Variants in DNASE1 observed in about 807,000 individuals in gnomAD.
The protein encoded by DNASE1 is deoxyribonuclease 1.
Under a neutral mutation model 33.9 loss-of-function variants are expected in DNASE1, and 40 were observed. That is an observed-to-expected ratio of 1.18 (90% CI 0.92 to 1.54). DNASE1 has a LOEUF of 1.54. Ranked by LOEUF, DNASE1 falls within the 40% of genes most tolerant of loss-of-function variation. The pLI, the probability that DNASE1 is intolerant of heterozygous loss-of-function variation, is 0.00. For synonymous variants in DNASE1, 216 were observed against 160.0 expected (o/e 1.35, Z -2.64); for missense variants, 518 against 372.6 (o/e 1.39, Z -3.21).
At chr16:3,656,821 C>G in intron 5 of DNASE1, 68 bp downstream of exon 5, 1 of 1,544,738 alleles carries the variant, frequency 6.5e-7, no homozygotes, top group Non-Finnish European at 8.8e-7. Context: ...TCCTAGGGAA[C>G]CTGGAATGCC....
Position 3,657,945 on chromosome 16 carries a change from C to T in DNASE1, c.841C>T (p.Leu281=). ...TGACCACTATCCAGTGGAGGTGATG[C>T]TGAAGTGAGCAGCCCCTCCCCACAC... The part of the protein sequence containing the change: ...ISDHYPVEVM[L]K The change falls in exon 9 of 9, where the codon CTG becomes TTG. Residue 281 remains leucine, a synonymous_variant. Coordinates refer to ENST00000246949, the MANE Select transcript of DNASE1 (RefSeq NM_005223.4). 6.2e-7 allele frequency: 1 copy of T among 1,614,052 alleles called. No homozygotes were observed. The highest frequency in any genetic ancestry group is 8.5e-7 in the Non-Finnish European group (1 of 1,180,024).
exon 10 of DNASE1, chr16:3,664,398 C>G (rs1306577144): frequency 1.1e-5 from 17 of 1,612,292 alleles, no homozygotes; most frequent in Non-Finnish European, 1.4e-5. Flanking sequence ...TTCTGAGAGG[C>G]TGGTTAGCTG....
downstream of DNASE1, chr16:3,661,944 TG>T: frequency 1.9e-6 from 3 of 1,553,594 alleles, no homozygotes; most frequent in Non-Finnish European, 1.7e-6. Flanking sequence ...CACAGGATTC[TG>T]GGGAATCCCA....
At chr16:3,662,195 C>G (rs1234249452), downstream of DNASE1, 3 of 1,566,408 alleles carry the variant, frequency 1.9e-6, no homozygotes, top group African/African-American at 1.3e-5. Flanking sequence ...CTGGCAGGAT[C>G]TTACCAGGGG....
rs758143421 is a variant in DNASE1 at position 3,657,158 on chromosome 16, C to T, written c.550-29C>T. The T allele has an allele frequency of 1.9e-6, 3 of 1,614,012 alleles. No homozygotes were observed. The African/African-American group carries it at 4.0e-5, about 22-fold the overall frequency. On this transcript the variant is annotated intron_variant, in intron 6 of 8. Transcript: ENST00000246949. ...TGGGCACCAGCGGCCTCCGCATGTC[C>T]CAGGGCCACAGGCAGCGTTTCCTGG...
At chr16:3,655,960 T>G in intron 3 of DNASE1, 23 bp downstream of exon 3, 1 of 1,613,358 alleles carries the variant, frequency 6.2e-7, no homozygotes, top group Non-Finnish European at 8.5e-7. Flanking sequence ...GGCAGGGTCA[T>G]AGGAAGGTGA....
At chr16:3,646,639 G>C (rs761250434) in intron 1 of DNASE1, among the ~76,000 whole-genome samples, 1 of 152,302 alleles carries the variant, frequency 6.6e-6, no homozygotes, top group East Asian at 1.9e-4. Flanking sequence ...ATTGGATTTC[G>C]TGTTAGGGAC....
upstream of DNASE1, among the ~76,000 whole-genome samples, chr16:3,639,408 C>T (rs972780888): frequency 6.6e-6 from 1 of 152,178 alleles, no homozygotes; most frequent in Non-Finnish European, 1.5e-5. Context: ...CCCACACCAA[C>T]CCCCCGGCTT....
At chr16:3,638,500 G>A (rs370541888), upstream of DNASE1, among the ~76,000 whole-genome samples, 1 of 152,136 alleles carries the variant, frequency 6.6e-6, no homozygotes, top group East Asian at 1.9e-4. Context: ...ACCACACTCA[G>A]CTAATTTTTT....
intron 1 of DNASE1, among the ~76,000 whole-genome samples, chr16:3,619,833 A>C (rs1269430554): frequency 1.3e-5 from 2 of 151,828 alleles, no homozygotes; most frequent in African/African-American, 4.8e-5. Context: ...AAAAATTCTA[A>C]TTTCCATTTA....
At position 3,657,990 on chromosome 16, in the gene DNASE1, G is replaced by A. The variant is rs1490452926; in HGVS notation, c.*37G>A. 7 of 1,612,818 alleles carry A rather than the reference G, an allele frequency of 4.3e-6. No individual in the cohort carries two copies. The East Asian group carries it at 6.7e-5, about 15-fold the overall frequency. ...CCACACCAGTTGAACTGCAGGAAGAGAGGACCCATCCTGCCACAGGACCCA... is the reference window on the plus strand; with the variant it reads ...CCACACCAGTTGAACTGCAGGAAGAAAGGACCCATCCTGCCACAGGACCCA... On this transcript the variant is annotated 3_prime_UTR_variant, in exon 9 of 9. Transcript: ENST00000246949.
intron 3 of DNASE1, 67 bp downstream of exon 3, chr16:3,656,004 G>A: frequency 6.2e-7 from 1 of 1,612,534 alleles, no homozygotes; most frequent in Non-Finnish European, 8.5e-7. Flanking sequence ...ACTTCACTTG[G>A]GCCCCAAGGG....
upstream of DNASE1, among the ~76,000 whole-genome samples, chr16:3,650,315 G>A (rs1236399592): frequency 6.6e-6 from 1 of 152,048 alleles, no homozygotes; most frequent in African/African-American, 2.4e-5. Flanking sequence ...TTCCACTCAA[G>A]TATCAATTTC....
downstream of DNASE1, chr16:3,662,161 A>G (rs762799153): frequency 5.0e-6 from 8 of 1,596,370 alleles, no homozygotes; most frequent in South Asian, 7.8e-5. Context: ...GTTGAGGGTG[A>G]TAGAGGTTCC....
At position 3,623,738 on chromosome 16, in the gene DNASE1, A is replaced by G. The variant is rs543382618; in HGVS notation, c.-1359+11732A>G. Among the ~76,000 whole-genome samples, 12 of 151,926 alleles carry G rather than the reference A, an allele frequency of 7.9e-5. No homozygotes were observed. The East Asian group carries it at 2.1e-3, about 27-fold the overall frequency. ...CACTTGAGGCCAGGAATTAGAGAGA[A>G]AGTAGGCAAAGGACAAGAACACATA... On this transcript the variant is annotated intron_variant and NMD_transcript_variant, in intron 1 of 11. Transcript: ENST00000570769.
At chr16:3,662,250 C>T (rs1567220513), downstream of DNASE1, 4 of 1,247,914 alleles carry the variant, frequency 3.2e-6, no homozygotes, top group Non-Finnish European at 3.3e-6. Context: ...GTCTCAAGGA[C>T]TCCCCTGGAC....
intron 1 of DNASE1, among the ~76,000 whole-genome samples, chr16:3,646,844 G>A (rs983973389): frequency 1.3e-5 from 2 of 152,128 alleles, no homozygotes; most frequent in African/African-American, 4.8e-5. Flanking sequence ...TGCATGGTGC[G>A]GGCGGGGCTG....
At chr16:3,625,646 C>T (rs1018311265) in intron 1 of DNASE1, among the ~76,000 whole-genome samples, 6 of 151,496 alleles carry the variant, frequency 4.0e-5, no homozygotes, top group Admixed American at 6.6e-5. Flanking sequence ...ATAAATGAAA[C>T]GGCCAATATA....
intron 2 of DNASE1, 51 bp downstream of exon 2, chr16:3,655,571 G>A (rs377705242): frequency 4.8e-5 from 77 of 1,612,384 alleles, no homozygotes; most frequent in Non-Finnish European, 1.0e-5. Flanking sequence ...TGGAGTCTAG[G>A]GCTGGTGGGC....
Sources: allele counts gnomAD v4.1 joint callset (sites outside exome capture counted in the v4.1 genomes callset), GRCh38; gene constraint gnomAD v4.1.1; transcripts MANE v1.5; gene names NCBI Gene and HGNC (gene_info 2026-07-23, HGNC 2026-07-21).